The following PAX3 variants were observed in gnomAD, a reference collection of about 807,000 sequenced individuals.
The protein encoded by PAX3 is paired box 3, also known as paired box protein Pax-3.
Under a neutral mutation model 51.6 loss-of-function variants are expected in PAX3, and 14 were observed. The ratio of observed to expected loss-of-function variants is 0.27; its 90% CI spans 0.18 to 0.42. The LOEUF (loss-of-function observed/expected upper bound fraction) is 0.42, where lower values mean the gene tolerates loss of function less well. PAX3 is among the 10% of genes least tolerant of loss of function. The pLI is 1.00. For synonymous variants in PAX3, 280 were observed against 253.4 expected (o/e 1.11, Z -1.00); for missense variants, 540 against 642.8 (o/e 0.84, Z 1.73).
intron 4 of PAX3, among the ~76,000 whole-genome samples, chr2:222,289,580 CA>C (rs1464691012): frequency 6.6e-6 from 1 of 152,136 alleles, no homozygotes; most frequent in Non-Finnish European, 1.5e-5. Flanking sequence ...GTGCTATCAA[CA>C]ATCAAATCAA....
At chr2:222,260,885 C>A (rs1243303757) in intron 4 of PAX3, among the ~76,000 whole-genome samples, 6 of 151,980 alleles carry the variant, frequency 3.9e-5, no homozygotes, top group Non-Finnish European at 5.9e-5. Context: ...CTGCACCATG[C>A]CGCAACACAA....
At chr2:222,202,775 C>T (rs1045845939) in intron 7 of PAX3, among the ~76,000 whole-genome samples, 1 of 150,734 alleles carries the variant, frequency 6.6e-6, no homozygotes, top group Non-Finnish European at 1.5e-5. Context: ...AATATTTACT[C>T]CTTTCCTGAT....
In PAX3 at chr2:222,298,758, G is replaced by A. The variant is rs1335306095; in HGVS notation, c.-143C>T. On this transcript the variant is annotated 5_prime_UTR_variant, in exon 1 of 9. Coordinates refer to ENST00000392070, the MANE Select transcript of PAX3 (RefSeq NM_181458.4). ...CTGGAGAGAGAGGGAGGGACGCGGG[G>A]AGGGGGGCTGTCGGTTCCTAGTCCA... 6.4e-6 allele frequency: 5 copies of A among 782,484 alleles called. No homozygotes were observed. Among genetic ancestry groups the A allele is most frequent in the Non-Finnish European group, 8.6e-6 (4 of 466,692 alleles). 48.5% of individuals were successfully genotyped at this position (782,484 alleles called of 1,614,324 possible). A position where few individuals can be genotyped will look rare whatever the true frequency, so the allele number is the denominator to read the frequency against.
chr2:222,200,310 T>C lies in PAX3; in HGVS notation c.*1098A>G, dbSNP rs1691244534. On this transcript the variant is annotated 3_prime_UTR_variant, in exon 9 of 9. Transcript: ENST00000392070. ...ATAATTTAAAAGTACATGAGAGCCA[T>C]GTGAACACTTCTGTTCTTGCCCTGC... is the stretch of plus-strand genomic sequence containing the variant. The C allele has an allele frequency of 9.1e-6, 2 of 219,530 alleles. No individual in the cohort carries two copies. Among genetic ancestry groups the C allele is most frequent in the African/African-American group, 2.2e-5 (1 of 44,552 alleles). The allele number at this position is 219,530 out of a possible 1,614,324, so 13.6% of individuals were successfully genotyped here. A position where few individuals can be genotyped will look rare whatever the true frequency, so the allele number is the denominator to read the frequency against.
chr2:222,232,892 G>A (rs187809737), intron 4 of PAX3: 366 of 153,458 alleles, frequency 2.4e-3, no homozygotes, highest in Non-Finnish European at 4.1e-3. Context: ...ATTTAAATCA[G>A]TATCTCATCA....
intron 4 of PAX3, among the ~76,000 whole-genome samples, chr2:222,289,669 C>T (rs1050422164): frequency 1.3e-5 from 2 of 152,242 alleles, no homozygotes; most frequent in East Asian, 1.9e-4. Context: ...AAGGTAAGCA[C>T]ACAGCAGTCA....
intron 6 of PAX3, 61 bp from the exon 7 acceptor site, chr2:222,220,415 T>C (rs1368933944): frequency 4.6e-6 from 7 of 1,532,514 alleles, no homozygotes; most frequent in Non-Finnish European, 6.3e-6. Flanking sequence ...GAAAGTTCAG[T>C]GCAAAAGTTC....
chr2:222,246,093 T>C (rs575811966), intron 4 of PAX3, among the ~76,000 whole-genome samples: 7 of 152,262 alleles, frequency 4.6e-5, no homozygotes, highest in Middle Eastern at 3.4e-3. Flanking sequence ...GACCACTTTT[T>C]CCCCAAAATT....
chr2:222,268,719 T>C (rs779421830), intron 4 of PAX3, among the ~76,000 whole-genome samples: 11 of 152,236 alleles, frequency 7.2e-5, no homozygotes, highest in Admixed American at 3.9e-4. Context: ...AACGAGAACT[T>C]TCCTAGATGA....
In PAX3 at chr2:222,201,443, C is replaced by G; in HGVS notation, c.1421-1G>C. 6.2e-7 allele frequency: 1 copy of G among 1,614,034 alleles called. No individual in the cohort carries two copies. Reference sequence around the variant, plus strand: ...TCTGGCTTGAGATAATGAAAGGCACCTGTAAGGAAACACACGCAGCTTTTT... The same window carrying G: ...TCTGGCTTGAGATAATGAAAGGCACGTGTAAGGAAACACACGCAGCTTTTT... On this transcript the variant is annotated splice_acceptor_variant, in intron 8 of 8. Coordinates refer to ENST00000392070, the MANE Select transcript of PAX3 (RefSeq NM_181458.4). LOFTEE classifies it high-confidence loss of function.
chr2:222,291,341 C>T (rs1695030299), intron 4 of PAX3, among the ~76,000 whole-genome samples: 1 of 152,144 alleles, frequency 6.6e-6, no homozygotes, highest in African/African-American at 2.4e-5. Flanking sequence ...TTCTCCTGGG[C>T]TATGGAGCTG....
At chr2:222,268,220 T>C (rs1203978769) in intron 4 of PAX3, among the ~76,000 whole-genome samples, 1 of 152,214 alleles carries the variant, frequency 6.6e-6, no homozygotes, top group Non-Finnish European at 1.5e-5. Flanking sequence ...AAACACATAT[T>C]CGACCTATCT....
At chr2:222,297,676 C>CA (rs1695377878) in intron 1 of PAX3, among the ~76,000 whole-genome samples, 1 of 152,172 alleles carries the variant, frequency 6.6e-6, no homozygotes, top group African/African-American at 2.4e-5. Context: ...GGTTTCTAGC[C>CA]AAAAGTGCAG....
chr2:222,274,531 G>GT (rs72237949), intron 4 of PAX3, among the ~76,000 whole-genome samples: 88 of 143,992 alleles, frequency 6.1e-4, no homozygotes, highest in African/African-American at 5.6e-4. Flanking sequence ...GAAGTTTTTT[G>GT]TTTTTTTTTT....
At chr2:222,244,446 AAGG>A (rs1693138819) in intron 4 of PAX3, among the ~76,000 whole-genome samples, 1 of 152,126 alleles carries the variant, frequency 6.6e-6, no homozygotes, top group Non-Finnish European at 1.5e-5. Context: ...TTTTTAAGGA[AAGG>A]AGATAGTTTG....
intron 5 of PAX3, among the ~76,000 whole-genome samples, chr2:222,229,449 C>G (rs1692504046): frequency 6.6e-6 from 1 of 152,072 alleles, no homozygotes; most frequent in African/African-American, 2.4e-5. Flanking sequence ...CTCTGTGAAC[C>G]TTGGTCTATC....
chr2:222,268,629 G>T (rs1226028078), intron 4 of PAX3, among the ~76,000 whole-genome samples: 1 of 152,166 alleles, frequency 6.6e-6, no homozygotes, highest in Non-Finnish European at 1.5e-5. Context: ...TCCACGGGGG[G>T]TTGGGGGGCA....
intron 4 of PAX3, among the ~76,000 whole-genome samples, chr2:222,273,528 T>G (rs769367061): frequency 6.6e-6 from 1 of 152,198 alleles, no homozygotes; most frequent in Non-Finnish European, 1.5e-5. Flanking sequence ...TCAAACAGAT[T>G]GTTCGGAGAT....
At chr2:222,203,378 C>T (rs1574621840) in intron 7 of PAX3, among the ~76,000 whole-genome samples, 1 of 151,878 alleles carries the variant, frequency 6.6e-6, no homozygotes. Flanking sequence ...GTCAAGAGCC[C>T]CCCCGAAGAC....
Sources: gnomAD v4.1 joint callset for allele counts (sites outside exome capture counted in the v4.1 genomes callset) on GRCh38, gnomAD v4.1.1 for gene constraint, MANE v1.5 for transcripts, NCBI Gene and HGNC (gene_info 2026-07-23, HGNC 2026-07-21) for gene names.